Variants in DYNLRB1 observed in about 807,000 individuals in gnomAD.
DYNLRB1 encodes the protein ROBL/LC7-like 1.
Under a neutral mutation model 13.5 loss-of-function variants are expected in DYNLRB1, and 6 were observed. That is an observed-to-expected ratio of 0.44 (90% CI 0.24 to 0.88). The LOEUF is 0.88. Ranked by LOEUF, DYNLRB1 falls within the 40% of genes least tolerant of loss-of-function variation. The pLI is 0.21. For missense variants in DYNLRB1, 93 were observed against 127.2 expected, an observed-to-expected ratio of 0.73 and a Z score of 1.29; for synonymous variants, 43 against 45.0, an observed-to-expected ratio of 0.96 and a Z score of 0.18.
chr20:34,535,100 G>A (rs1473350107), intron 3 of DYNLRB1: 2 of 985,290 alleles, frequency 2.0e-6, no homozygotes, highest in African/African-American at 1.7e-5. Flanking sequence ...AGAGGAGGGT[G>A]TGGCCAGGCC....
chr20:34,526,484 TC>T (rs1364164807), intron 2 of DYNLRB1, 141 bp downstream of exon 2: 193 of 525,544 alleles, frequency 3.7e-4, no homozygotes, highest in East Asian at 5.2e-4. Context: ...CCTCCAGTGT[TC>T]TTTTTTTTTT....
chr20:34,525,019 C>G (rs1057003030), intron 1 of DYNLRB1, among the ~76,000 whole-genome samples: 1 of 152,234 alleles, frequency 6.6e-6, no homozygotes, highest in Non-Finnish European at 1.5e-5. Flanking sequence ...GCCGCCGCAC[C>G]GGCCCCATTT....
intron 3 of DYNLRB1, among the ~76,000 whole-genome samples, chr20:34,537,810 G>A (rs1214577403): frequency 6.6e-6 from 1 of 152,118 alleles, no homozygotes; most frequent in Admixed American, 6.5e-5. Context: ...GGGCAGCCTG[G>A]AGCAGCCTGG....
At chr20:34,528,811 A>C (rs971531017) in intron 2 of DYNLRB1, among the ~76,000 whole-genome samples, 4 of 151,528 alleles carry the variant, frequency 2.6e-5, no homozygotes, top group Non-Finnish European at 5.9e-5. Context: ...AACTCCACAC[A>C]AAAAAAAGAA....
At position 34,516,429 on chromosome 20, in the gene DYNLRB1, C is replaced by T; in HGVS notation, c.-30C>T. On this transcript the variant is annotated 5_prime_UTR_variant, in exon 1 of 4. Transcript: ENST00000357156. ...AAAGGCACAGGACTCGCTAAGTGTT[C>T]GCTACGCGGGGCTACCGGATCGGTC... 2 of 1,612,626 alleles carry T rather than the reference C, an allele frequency of 1.2e-6. No homozygotes were observed. The highest frequency in any genetic ancestry group is 1.7e-4 in the Middle Eastern group (1 of 6,046).
intron 2 of DYNLRB1, chr20:34,533,592 G>A (rs1286031024): frequency 1.2e-5 from 10 of 836,156 alleles, no homozygotes; most frequent in Admixed American, 6.2e-5. Context: ...AGGCCGAGGC[G>A]GGTGGATCAT....
chr20:34,532,052 C>T (rs543072375), intron 2 of DYNLRB1, among the ~76,000 whole-genome samples: 70 of 152,266 alleles, frequency 4.6e-4, no homozygotes, highest in African/African-American at 1.7e-3. Context: ...GGCCAGGTAG[C>T]AAGAACAGCC....
intron 1 of DYNLRB1, chr20:34,516,988 T>C: frequency 1.6e-6 from 2 of 1,271,842 alleles, no homozygotes; most frequent in Non-Finnish European, 2.0e-6. Context: ...CCCTAGAAGC[T>C]TGACGGCCGC....
intron 1 of DYNLRB1, among the ~76,000 whole-genome samples, chr20:34,518,542 G>A (rs374664107): frequency 2.6e-5 from 4 of 151,398 alleles, no homozygotes; most frequent in African/African-American, 9.7e-5. Flanking sequence ...GACCCTCCTG[G>A]GCTCAAGTGA....
chr20:34,528,311 C>CAAAA (rs59104612), intron 2 of DYNLRB1, among the ~76,000 whole-genome samples: 274 of 5,200 alleles, frequency 0.053, 105 homozygotes, highest in African/African-American at 0.31. Context: ...GACTCCGTCT[C>CAAAA]AAAAAAAAAA....
At chr20:34,525,842 T>C (rs1399400634) in intron 1 of DYNLRB1, among the ~76,000 whole-genome samples, 3 of 152,216 alleles carry the variant, frequency 2.0e-5, no homozygotes, top group African/African-American at 7.2e-5. Context: ...TCTATCCTCA[T>C]GTGCTGTTTG....
chr20:34,538,841 G>A (rs891091888), intron 3 of DYNLRB1, among the ~76,000 whole-genome samples: 5 of 152,208 alleles, frequency 3.3e-5, no homozygotes, highest in African/African-American at 1.2e-4. Context: ...TCAGCAGGGG[G>A]CAGCAGACCA....
chr20:34,519,991 G>A (rs1979577957), intron 1 of DYNLRB1, among the ~76,000 whole-genome samples: 1 of 151,954 alleles, frequency 6.6e-6, no homozygotes, highest in Non-Finnish European at 1.5e-5. Flanking sequence ...AAAAGTAGCC[G>A]GAAGCCGTGC....
chr20:34,530,001 TG>T lies in DYNLRB1; in HGVS notation c.79+3661del, dbSNP rs1980586444. The T allele has an allele frequency of 1.5e-5, 19 of 1,287,728 alleles. 1 individual carries two copies. The South Asian group carries it at 4.1e-4, about 28-fold the overall frequency. 79.8% of individuals were successfully genotyped at this position (1,287,728 alleles called of 1,614,324 possible). On this transcript the variant is annotated intron_variant, in intron 2 of 3. Coordinates refer to ENST00000357156, the MANE Select transcript of DYNLRB1 (RefSeq NM_014183.4). The stretch of plus-strand genomic sequence containing the variant: ...CTGTGATGGTCCAGGGAATCTCTTT[TG>T]GGCACTTCTTGCTCTAAGACCTGAA...
intron 2 of DYNLRB1, chr20:34,530,435 C>G (rs1980621069): frequency 3.4e-6 from 1 of 296,804 alleles, no homozygotes; most frequent in Non-Finnish European, 5.0e-6. Flanking sequence ...CTAGGGGAAG[C>G]TTTTAGAATA....
intron 2 of DYNLRB1, among the ~76,000 whole-genome samples, chr20:34,531,500 C>T (rs950996581): frequency 3.3e-5 from 5 of 152,294 alleles, no homozygotes; most frequent in East Asian, 1.9e-4. Flanking sequence ...TGTACTTCCA[C>T]GTTTTCTTTT....
chr20:34,533,886 C>T (rs1305488614), intron 2 of DYNLRB1, among the ~76,000 whole-genome samples: 1 of 151,728 alleles, frequency 6.6e-6, no homozygotes, highest in Admixed American at 6.6e-5. Flanking sequence ...TCTGTAATCC[C>T]AGCACTTTGG....
intron 1 of DYNLRB1, among the ~76,000 whole-genome samples, chr20:34,521,691 T>C (rs1367280334): frequency 1.3e-5 from 2 of 152,152 alleles, no homozygotes; most frequent in Non-Finnish European, 2.9e-5. Flanking sequence ...GGGAACCTTG[T>C]CTCCATCATC....
chr20:34,518,907 T>C (rs1979488186), intron 1 of DYNLRB1, among the ~76,000 whole-genome samples: 1 of 151,950 alleles, frequency 6.6e-6, no homozygotes, highest in Admixed American at 6.6e-5. Context: ...TTTTTTTTTC[T>C]TTTGAAACAG....
Sources: allele counts gnomAD v4.1 joint callset (sites outside exome capture counted in the v4.1 genomes callset), GRCh38; gene constraint gnomAD v4.1.1; transcripts MANE v1.5; gene names NCBI Gene and HGNC (gene_info 2026-07-23, HGNC 2026-07-21).